The following RANBP2 variants were observed in gnomAD, a reference collection of about 807,000 sequenced individuals.
The protein encoded by RANBP2 is E3 SUMO-protein ligase RanBP2.
RANBP2 carries 57 observed loss-of-function variants against 303.6 expected under a neutral mutation model. That is an observed-to-expected ratio of 0.19 (90% CI 0.15 to 0.23). The LOEUF (loss-of-function observed/expected upper bound fraction) is 0.23. RANBP2 is among the 10% of genes least tolerant of loss of function. RANBP2 has a pLI of 1.00. For synonymous variants in RANBP2, 1,167 were observed against 1,301.5 expected (o/e 0.90, Z 2.23); for missense variants, 3,138 against 3,780.8 (o/e 0.83, Z 4.46).
chr2:109,425,276 A>C, the RANBP2 span, among the ~76,000 whole-genome samples: 1 of 152,236 alleles, frequency 6.6e-6, no homozygotes. Context: ...CTGCAACATA[A>C]AAGTACAAGG....
the RANBP2 span, among the ~76,000 whole-genome samples, chr2:109,332,018 C>T: frequency 3.3e-4 from 51 of 152,266 alleles, no homozygotes; most frequent in Admixed American, 1.2e-3. Context: ...CTGGGAGCAG[C>T]GGTTACCGGA....
the RANBP2 span, among the ~76,000 whole-genome samples, chr2:109,178,483 T>C: frequency 1.3e-5 from 2 of 152,208 alleles, no homozygotes; most frequent in African/African-American, 4.8e-5. Flanking sequence ...TATACTTGGA[T>C]AGTTTATATT....
At chr2:109,324,859 C>T in the RANBP2 span, among the ~76,000 whole-genome samples, 10 of 152,304 alleles carry the variant, frequency 6.6e-5, no homozygotes, top group South Asian at 8.3e-4. Context: ...TGTGCAAGCA[C>T]GCACGCTGGC....
the RANBP2 span, among the ~76,000 whole-genome samples, chr2:108,827,617 C>G: frequency 3.7e-3 from 561 of 152,156 alleles, 3 homozygotes; most frequent in Middle Eastern, 6.8e-3. Context: ...GAGACGGAGA[C>G]TATCCTGGCT....
In RANBP2 at chr2:108,784,181, C is replaced by T. The variant is rs1678454866; in HGVS notation, c.*280C>T. 8 of 329,844 alleles carry T rather than the reference C, an allele frequency of 2.4e-5. No homozygotes were observed. In the South Asian group the frequency reaches 3.8e-4, roughly 16 times the overall value. 20.4% of individuals were successfully genotyped at this position (329,844 alleles called of 1,614,324 possible). A position where few individuals can be genotyped will look rare whatever the true frequency, so the allele number is the denominator to read the frequency against. ...TACTAATCTTGTTAAAAGCAATAGACCTCAAACTATTGAAGGAATATGATA... is the reference window on the plus strand; with the variant it reads ...TACTAATCTTGTTAAAAGCAATAGATCTCAAACTATTGAAGGAATATGATA... On this transcript the variant is annotated 3_prime_UTR_variant, in exon 29 of 29. Transcript: ENST00000283195.
chr2:109,688,781 TAAAAAAAAAAAAAAA>T, the RANBP2 span, among the ~76,000 whole-genome samples: 1 of 43,726 alleles, frequency 2.3e-5, no homozygotes, highest in African/African-American at 8.5e-5. Context: ...TCTGTCTCAA[TAAAAAAAAAAAAAAA>T]AAAAAAAAAA....
chr2:108,978,002 A>G, the RANBP2 span, among the ~76,000 whole-genome samples: 4 of 152,130 alleles, frequency 2.6e-5, no homozygotes, highest in South Asian at 6.2e-4. Flanking sequence ...TCGTAGAGGA[A>G]CTCCAGCCAA....
the RANBP2 span, among the ~76,000 whole-genome samples, chr2:109,013,284 T>C: frequency 6.6e-6 from 1 of 152,228 alleles, no homozygotes; most frequent in East Asian, 1.9e-4. Flanking sequence ...GACTTGTTAG[T>C]CATCAGTTAC....
chr2:109,175,110 T>C, the RANBP2 span, among the ~76,000 whole-genome samples: 1 of 152,178 alleles, frequency 6.6e-6, no homozygotes, highest in Non-Finnish European at 1.5e-5. Flanking sequence ...TCATGCCTAC[T>C]AGTAGTCCTG....
the RANBP2 span, chr2:108,923,328 T>A: frequency 5.0e-6 from 8 of 1,594,066 alleles, no homozygotes; most frequent in Admixed American, 1.7e-5. Context: ...GGATCCGTGC[T>A]GAACAAATAC....
At chr2:108,929,222 G>T in the RANBP2 span, 16 of 1,614,106 alleles carry the variant, frequency 9.9e-6, no homozygotes, top group Non-Finnish European at 1.4e-5. Flanking sequence ...GCCACACTCA[G>T]CGTCATTCTC....
chr2:108,778,975 C>T (rs1481645462), intron 25 of RANBP2, among the ~76,000 whole-genome samples: 1 of 152,174 alleles, frequency 6.6e-6, no homozygotes, highest in Non-Finnish European at 1.5e-5. Flanking sequence ...AGCAGTCCTG[C>T]CACCTTGGCC....
At chr2:109,589,970 G>A in the RANBP2 span, among the ~76,000 whole-genome samples, 451 of 151,788 alleles carry the variant, frequency 3.0e-3, 2 homozygotes, top group South Asian at 0.022. Flanking sequence ...TGAGGTCAGA[G>A]TTTTTAAAAA....
chr2:108,858,976 A>G, the RANBP2 span, among the ~76,000 whole-genome samples: 2 of 152,216 alleles, frequency 1.3e-5, no homozygotes, highest in Non-Finnish European at 2.9e-5. Context: ...AGCTGCTGCA[A>G]TAAGCATGAG....
At chr2:109,327,288 T>G in the RANBP2 span, among the ~76,000 whole-genome samples, 1 of 152,364 alleles carries the variant, frequency 6.6e-6, no homozygotes, top group African/African-American at 2.4e-5. Flanking sequence ...ACACCATTGA[T>G]TAAACAGCCC....
the RANBP2 span, among the ~76,000 whole-genome samples, chr2:108,840,070 C>T: frequency 7.2e-5 from 11 of 152,076 alleles, no homozygotes; most frequent in East Asian, 1.9e-4. Flanking sequence ...AATCATGAAT[C>T]GTGTTGAATT....
At chr2:109,190,635 G>A in the RANBP2 span, among the ~76,000 whole-genome samples, 3 of 152,158 alleles carry the variant, frequency 2.0e-5, no homozygotes, top group African/African-American at 7.2e-5. Flanking sequence ...GCGACTTGGT[G>A]AAAATCTTTC....
At chr2:108,860,248 G>T in the RANBP2 span, among the ~76,000 whole-genome samples, 5 of 152,064 alleles carry the variant, frequency 3.3e-5, no homozygotes, top group African/African-American at 7.2e-5. Flanking sequence ...CTTTTGGCAA[G>T]ATCTTTAGGG....
chr2:108,917,631 G>T, the RANBP2 span, among the ~76,000 whole-genome samples: 2 of 152,102 alleles, frequency 1.3e-5, no homozygotes, highest in African/African-American at 4.8e-5. Context: ...AAGACAGAAG[G>T]TATGCTAAGA....
Sources: gnomAD v4.1 joint callset for allele counts (sites outside exome capture counted in the v4.1 genomes callset) on GRCh38, gnomAD v4.1.1 for gene constraint, MANE v1.5 for transcripts, NCBI Gene and HGNC (gene_info 2026-07-23, HGNC 2026-07-21) for gene names.